The following EDN1 variants were observed in gnomAD, a reference collection of about 807,000 sequenced individuals.
The protein encoded by EDN1 is endothelin 1, also known as endothelin-1.
In EDN1, 11 loss-of-function variants were observed where a neutral mutation model predicts 21.7. The observed-to-expected ratio is 0.51, with a 90% CI of 0.32 to 0.84. The LOEUF (loss-of-function observed/expected upper bound fraction) is 0.84, where lower values mean the gene tolerates loss of function less well. EDN1 is among the 40% of genes least tolerant of loss of function. The pLI is 0.03. For synonymous variants in EDN1, 85 were observed against 90.6 expected (o/e 0.94, Z 0.35); for missense variants, 244 against 262.3 (o/e 0.93, Z 0.48).
chr6:12,239,783 C>T, the EDN1 span, among the ~76,000 whole-genome samples: 4 of 152,042 alleles, frequency 2.6e-5, no homozygotes, highest in African/African-American at 7.2e-5. Context: ...GTGGTGTGTG[C>T]CTGTGGTCCC....
At chr6:12,295,067 G>A (rs540582399) in intron 4 of EDN1, among the ~76,000 whole-genome samples, 3 of 151,964 alleles carry the variant, frequency 2.0e-5, no homozygotes, top group Non-Finnish European at 4.4e-5. Context: ...GCTCTGAGCT[G>A]CTCTTTGGTG....
At chr6:12,234,673 G>A in the EDN1 span, among the ~76,000 whole-genome samples, 3 of 152,144 alleles carry the variant, frequency 2.0e-5, no homozygotes, top group Non-Finnish European at 4.4e-5. Context: ...GGGCATTTTG[G>A]CTCTTGGCTG....
chr6:12,290,180 G>A (rs1762635247), upstream of EDN1, among the ~76,000 whole-genome samples: 1 of 152,178 alleles, frequency 6.6e-6, no homozygotes, highest in Admixed American at 6.5e-5. Context: ...CAGACGGCGG[G>A]CGTCTGCCTC....
upstream of EDN1, among the ~76,000 whole-genome samples, chr6:12,286,366 C>T (rs563655244): frequency 6.6e-6 from 1 of 152,332 alleles, no homozygotes; most frequent in African/African-American, 2.4e-5. Flanking sequence ...TGTGTTTCTT[C>T]ATAGCTCCTG....
chr6:12,251,214 A>G, the EDN1 span, among the ~76,000 whole-genome samples: 2 of 152,240 alleles, frequency 1.3e-5, no homozygotes, highest in Non-Finnish European at 2.9e-5. Context: ...CTAATTAACT[A>G]ATAAGTTATT....
At chr6:12,273,871 C>T in the EDN1 span, among the ~76,000 whole-genome samples, 1 of 152,020 alleles carries the variant, frequency 6.6e-6, no homozygotes, top group African/African-American at 2.4e-5. Flanking sequence ...ACAAATAGAG[C>T]CATTGACCTT....
At chr6:12,272,457 T>G in the EDN1 span, among the ~76,000 whole-genome samples, 2 of 145,540 alleles carry the variant, frequency 1.4e-5, no homozygotes, top group Middle Eastern at 3.4e-3. Context: ...ATACTCTTTT[T>G]TTTTTTTTTT....
At chr6:12,239,736 T>A in the EDN1 span, among the ~76,000 whole-genome samples, 1 of 151,934 alleles carries the variant, frequency 6.6e-6, no homozygotes, top group South Asian at 2.1e-4. Context: ...TAGGGAGACC[T>A]GGTCTCTACA....
the EDN1 span, among the ~76,000 whole-genome samples, chr6:12,265,028 T>C: frequency 1.3e-5 from 2 of 152,146 alleles, no homozygotes; most frequent in Non-Finnish European, 2.9e-5. Flanking sequence ...AGAATAAAGG[T>C]CTACACCATT....
chr6:12,238,914 A>T, the EDN1 span, among the ~76,000 whole-genome samples: 1 of 152,240 alleles, frequency 6.6e-6, no homozygotes. Flanking sequence ...TACAGCACTG[A>T]CGCCAATTGT....
At chr6:12,286,003 G>A (rs1241041368), upstream of EDN1, among the ~76,000 whole-genome samples, 2 of 152,048 alleles carry the variant, frequency 1.3e-5, no homozygotes, top group African/African-American at 4.8e-5. Flanking sequence ...ATAATTTCAT[G>A]TACATTATTG....
chr6:12,255,910 G>A, the EDN1 span, among the ~76,000 whole-genome samples: 1 of 152,192 alleles, frequency 6.6e-6, no homozygotes, highest in Non-Finnish European at 1.5e-5. Flanking sequence ...ATGTTGGAAT[G>A]TCTCACAAAT....
At chr6:12,282,693 C>T in the EDN1 span, among the ~76,000 whole-genome samples, 120 of 152,290 alleles carry the variant, frequency 7.9e-4, no homozygotes, top group African/African-American at 2.6e-3. Flanking sequence ...TATAAGCACA[C>T]ACAAATGAAG....
the EDN1 span, among the ~76,000 whole-genome samples, chr6:12,276,908 A>C: frequency 6.3e-4 from 96 of 152,318 alleles, 2 homozygotes; most frequent in East Asian, 7.9e-3. Flanking sequence ...ATAAATATAA[A>C]TCTGTTAACA....
the EDN1 span, among the ~76,000 whole-genome samples, chr6:12,264,800 G>A: frequency 6.6e-6 from 1 of 152,234 alleles, no homozygotes; most frequent in Non-Finnish European, 1.5e-5. Context: ...AACTAGAGAA[G>A]ATGAACTGGG....
At chr6:12,241,369 C>T in the EDN1 span, among the ~76,000 whole-genome samples, 1 of 151,754 alleles carries the variant, frequency 6.6e-6, no homozygotes, top group Non-Finnish European at 1.5e-5. Context: ...TTTGGTTTCT[C>T]CATGTTGGCC....
Position 12,290,401 on chromosome 6 carries a change from G to A in EDN1, c.-229G>A, listed in dbSNP as rs901354556. 7.0e-6 allele frequency: 4 copies of A among 574,502 alleles called. No homozygotes were observed. The highest frequency in any genetic ancestry group is 1.2e-5 in the Non-Finnish European group (4 of 323,052). 35.6% of individuals were successfully genotyped at this position (574,502 alleles called of 1,614,324 possible). A position where few individuals can be genotyped will look rare whatever the true frequency, so the allele number is the denominator to read the frequency against. On this transcript the variant is annotated 5_prime_UTR_variant, in exon 1 of 5. Transcript: ENST00000379375. ...TCTGCGCCAGGCGAACGGGTCCTGC[G>A]CCTCCTGCAGTCCCAGCTCTCCACC...
chr6:12,243,291 G>C, the EDN1 span, among the ~76,000 whole-genome samples: 1 of 145,178 alleles, frequency 6.9e-6, no homozygotes, highest in Non-Finnish European at 1.5e-5. Context: ...GAGTAAAGAG[G>C]AGGAGGAGGA....
At chr6:12,231,547 G>T in the EDN1 span, among the ~76,000 whole-genome samples, 3 of 152,008 alleles carry the variant, frequency 2.0e-5, no homozygotes, top group Non-Finnish European at 2.9e-5. Context: ...TTCTTCCAGG[G>T]TCGTGCTCTG....
Sources: gnomAD v4.1 joint callset for allele counts (sites outside exome capture counted in the v4.1 genomes callset) on GRCh38, gnomAD v4.1.1 for gene constraint, MANE v1.5 for transcripts, NCBI Gene and HGNC (gene_info 2026-07-23, HGNC 2026-07-21) for gene names.